MEMO1: variants seen among roughly 807,000 people sequenced by gnomAD.
MEMO1 encodes mediator of cell motility 1.
In MEMO1, 6 loss-of-function variants were observed where a neutral mutation model predicts 45.2. The observed-to-expected ratio is 0.13, with a 90% CI of 0.07 to 0.26. MEMO1 has a LOEUF of 0.26. Ranked by LOEUF, MEMO1 falls within the 10% of genes least tolerant of loss-of-function variation. The pLI is 1.00. For missense variants in MEMO1, 184 were observed against 370.5 expected, an observed-to-expected ratio of 0.50 and a Z score of 4.13; for synonymous variants, 78 against 124.3, an observed-to-expected ratio of 0.63 and a Z score of 2.48.
chr2:31,923,832 A>G, intron 4 of MEMO1: 2 of 1,342,492 alleles, frequency 1.5e-6, no homozygotes, highest in Non-Finnish European at 2.0e-6. Context: ...AGGTTCTAAC[A>G]ATAGCCAAAA....
rs796111723 is a variant in MEMO1 at position 31,926,849 on chromosome 2, A to G, written c.212+5218T>C. Among the ~76,000 whole-genome samples the G allele has an allele frequency of 6.6e-5, 10 of 151,582 alleles. 1 individual carries two copies. The highest frequency in any genetic ancestry group is 2.4e-4 in the African/African-American group (10 of 41,380). ...CGACAAGCACGAAACTCTGCCTCAA[A>G]AAAAAAAGAAAAATAAACAAAACAA... On this transcript the variant is annotated intron_variant, in intron 4 of 9. Transcript: ENST00000404530.
At chr2:31,963,045 T>C in intron 2 of MEMO1, 4 of 1,284,528 alleles carry the variant, frequency 3.1e-6, no homozygotes, top group Non-Finnish European at 4.1e-6. Flanking sequence ...AGATTTCTTC[T>C]GCCTTCACCT....
At chr2:31,971,248 G>C (rs2148460903) in intron 2 of MEMO1, among the ~76,000 whole-genome samples, 1 of 152,168 alleles carries the variant, frequency 6.6e-6, no homozygotes, top group African/African-American at 2.4e-5. Flanking sequence ...AAAAATGTAA[G>C]CATAAACCTT....
At chr2:31,986,826 C>CA (rs1671317632) in intron 2 of MEMO1, among the ~76,000 whole-genome samples, 1 of 151,926 alleles carries the variant, frequency 6.6e-6, no homozygotes, top group Admixed American at 6.6e-5. Context: ...AGACTACTTC[C>CA]AAAAAAACAG....
At chr2:31,950,591 C>T (rs1264163008) in intron 2 of MEMO1, among the ~76,000 whole-genome samples, 1 of 151,128 alleles carries the variant, frequency 6.6e-6, no homozygotes, top group East Asian at 2.0e-4. Context: ...GGCATGGTGG[C>T]GCACACCTGT....
intron 2 of MEMO1, among the ~76,000 whole-genome samples, chr2:31,982,762 T>C (rs1670804254): frequency 6.6e-6 from 1 of 152,128 alleles, no homozygotes; most frequent in African/African-American, 2.4e-5. Context: ...TTAACAGTTC[T>C]ACACCTGCTT....
intron 2 of MEMO1, among the ~76,000 whole-genome samples, chr2:31,958,715 G>C (rs916259988): frequency 6.6e-6 from 1 of 152,108 alleles, no homozygotes; most frequent in Non-Finnish European, 1.5e-5. Flanking sequence ...GCAATGGCAC[G>C]ATCTCAGCTG....
intron 7 of MEMO1, among the ~76,000 whole-genome samples, chr2:31,883,681 G>A (rs575123271): frequency 5.9e-5 from 9 of 152,032 alleles, no homozygotes; most frequent in Non-Finnish European, 1.3e-4. Flanking sequence ...GTTAAGAACT[G>A]TTTCAAATTG....
At chr2:31,897,875 T>C (rs11887866) in intron 6 of MEMO1, among the ~76,000 whole-genome samples, 1,622 of 152,122 alleles carry the variant, frequency 0.011, 20 homozygotes, top group African/African-American at 0.037. Flanking sequence ...GGCTATTAAT[T>C]ACTCCCTCAA....
chr2:31,885,616 CTCACTA>C (rs1355470043), intron 7 of MEMO1, among the ~76,000 whole-genome samples: 2 of 152,174 alleles, frequency 1.3e-5, no homozygotes, highest in East Asian at 3.8e-4. Context: ...CTGACTCACT[CTCACTA>C]TAAGAACAAT....
chr2:31,926,676 G>A (rs1054489041), intron 4 of MEMO1, among the ~76,000 whole-genome samples: 6 of 151,182 alleles, frequency 4.0e-5, no homozygotes, highest in Non-Finnish European at 8.9e-5. Context: ...TGGTGAAACC[G>A]TCTCTACTAA....
intron 6 of MEMO1, among the ~76,000 whole-genome samples, chr2:31,894,202 C>T (rs1231028862): frequency 6.6e-6 from 1 of 152,176 alleles, no homozygotes. Flanking sequence ...ATGAGAAGAG[C>T]ATGTTCATGA....
At chr2:31,908,721 C>A (rs1022005537) in intron 6 of MEMO1, among the ~76,000 whole-genome samples, 1 of 152,148 alleles carries the variant, frequency 6.6e-6, no homozygotes, top group African/African-American at 2.4e-5. Context: ...CCAACAAATA[C>A]CCACTTCACT....
At chr2:32,009,694 G>A (rs1674569817) in intron 2 of MEMO1, among the ~76,000 whole-genome samples, 1 of 152,124 alleles carries the variant, frequency 6.6e-6, no homozygotes, top group African/African-American at 2.4e-5. Context: ...GGAGGGCAGG[G>A]AAGACGGGAG....
At chr2:31,870,841 G>C (rs1265182845) in intron 8 of MEMO1, among the ~76,000 whole-genome samples, 1 of 152,140 alleles carries the variant, frequency 6.6e-6, no homozygotes, top group Non-Finnish European at 1.5e-5. Context: ...GCTTCCCAAA[G>C]TACTGGGATT....
intron 3 of MEMO1, among the ~76,000 whole-genome samples, chr2:31,934,468 T>C (rs1310960802): frequency 1.4e-5 from 2 of 145,792 alleles, no homozygotes; most frequent in East Asian, 2.0e-4. Flanking sequence ...TATTTCAAAA[T>C]TAAAAAAAAA....
rs1472548519 is a variant in MEMO1, at chr2:32,010,279, G to A, written c.-17-15C>T. ...GCCTGTGCCGCCTATGGTGCACGAG[G>A]ATGAATGAGGAGGCGGCGGCGGCGG... On this transcript the variant is annotated splice_polypyrimidine_tract_variant and intron_variant, in intron 1 of 9. Transcript: ENST00000404530. 3.6e-6 allele frequency: 5 copies of A among 1,400,324 alleles called. No individual in the cohort carries two copies. Among genetic ancestry groups the A allele is most frequent in the Admixed American group, 4.4e-5 (2 of 45,132 alleles). 86.7% of individuals were successfully genotyped at this position (1,400,324 alleles called of 1,614,324 possible).
chr2:31,932,188 T>C (rs763111118), intron 3 of MEMO1, 53 bp from the exon 4 acceptor site: 2 of 1,511,322 alleles, frequency 1.3e-6, no homozygotes, highest in Non-Finnish European at 1.8e-6. Flanking sequence ...ATCAAGATAT[T>C]CTAGAAAGAA....
intron 2 of MEMO1, among the ~76,000 whole-genome samples, chr2:32,005,021 A>G (rs1224483257): frequency 6.6e-6 from 1 of 152,140 alleles, no homozygotes; most frequent in Admixed American, 6.5e-5. Context: ...ACATTGACCA[A>G]AAAAAGGTAT....
Sources: gnomAD v4.1 joint callset for allele counts (sites outside exome capture counted in the v4.1 genomes callset) on GRCh38, gnomAD v4.1.1 for gene constraint, MANE v1.5 for transcripts, NCBI Gene and HGNC (gene_info 2026-07-23, HGNC 2026-07-21) for gene names.